The following SASH1 variants were observed in gnomAD, a reference collection of about 807,000 sequenced individuals.
The protein encoded by SASH1 is SAM and SH3 domain containing 1, also known as SAM and SH3 domain-containing protein 1.
Under a neutral mutation model 125.2 loss-of-function variants are expected in SASH1, and 44 were observed. That is an observed-to-expected ratio of 0.35 (90% CI 0.28 to 0.45). SASH1 has a LOEUF of 0.45. Ranked by LOEUF, SASH1 falls within the 20% of genes least tolerant of loss-of-function variation. SASH1 has a pLI of 1.00. For synonymous variants in SASH1, 639 were observed against 649.1 expected, an observed-to-expected ratio of 0.98 and a Z score of 0.24; for missense variants, 1,426 against 1,614.5, an observed-to-expected ratio of 0.88 and a Z score of 2.00.
chr6:148,311,146 G>A (rs571235854), intron 1 of SASH1, among the ~76,000 whole-genome samples: 140 of 147,224 alleles, frequency 9.5e-4, no homozygotes, highest in African/African-American at 3.4e-3. Context: ...TCACTCTGTC[G>A]CCCGGGCTGG....
intron 1 of SASH1, among the ~76,000 whole-genome samples, chr6:148,281,998 T>C (rs536161510): frequency 6.6e-6 from 1 of 152,070 alleles, no homozygotes; most frequent in African/African-American, 2.4e-5. Context: ...GTGACTATAG[T>C]ACACAATCAT....
chr6:148,512,088 G>A lies in SASH1; in HGVS notation c.730-2236G>A, dbSNP rs6916830. ...GGCTGGAGTGCAGTGGCACGATCCC[G>A]GCTCCCTGCAAGCTCCGCCTCCTGG... On this transcript the variant is annotated intron_variant, in intron 8 of 19. Coordinates refer to ENST00000367467, the MANE Select transcript of SASH1 (RefSeq NM_015278.5). Among the ~76,000 whole-genome samples the A allele has an allele frequency of 9.4e-4, 142 of 151,834 alleles. 1 individual carries two copies. Among genetic ancestry groups the A allele is most frequent in the Non-Finnish European group, 1.5e-3 (101 of 67,946 alleles).
At chr6:148,325,781 T>C (rs1365373804) in intron 1 of SASH1, among the ~76,000 whole-genome samples, 2 of 151,906 alleles carry the variant, frequency 1.3e-5, no homozygotes, top group African/African-American at 2.4e-5. Context: ...CCCTGAAAAA[T>C]GTACTTTTTA....
intron 19 of SASH1, among the ~76,000 whole-genome samples, chr6:148,546,813 A>G (rs1386495616): frequency 6.6e-6 from 1 of 152,178 alleles, no homozygotes; most frequent in Non-Finnish European, 1.5e-5. Context: ...TGCGTAATGT[A>G]TGCGTAAATG....
At chr6:148,377,199 AAAAAAACAAAAC>A (rs1782946723) in intron 1 of SASH1, among the ~76,000 whole-genome samples, 3 of 149,114 alleles carry the variant, frequency 2.0e-5, no homozygotes, top group Non-Finnish European at 4.4e-5. Context: ...AAAAAACAAA[AAAAAAACAAAAC>A]AAACAAACAA....
chr6:148,238,536 T>G, the SASH1 span, among the ~76,000 whole-genome samples: 3 of 152,056 alleles, frequency 2.0e-5, no homozygotes, highest in Non-Finnish European at 4.4e-5. Context: ...TTATTTTCTT[T>G]TAATATACCA....
rs1737050842 is a variant in SASH1 at position 148,544,341 on chromosome 6, T to G, written c.2871T>G (p.Phe957Leu). The G allele has an allele frequency of 5.6e-6, 9 of 1,614,122 alleles. No individual in the cohort carries two copies. The highest frequency in any genetic ancestry group is 5.9e-6 in the Non-Finnish European group (7 of 1,180,028). The change falls in exon 18 of 20, where the codon TTT (phenylalanine) becomes TTG (leucine). Residue 957 changes from phenylalanine (F) to leucine (L), a missense_variant. This residue lies in a region of SASH1 where 634 missense variants were observed against 694.4 expected (regional missense o/e 0.91). Transcript: ENST00000367467. The surrounding 1 kb of genome is among the most constrained non-coding windows in gnomAD (Gnocchi z 6.4). ...AGGGCCACAGAAAAGGACACGAGTT[T>G]GAAGGAACACACCATCCCCTGGGCA... ...PLEGHRKGHEFEGTHHPLGTK... is the reference protein window; with the variant it reads ...PLEGHRKGHELEGTHHPLGTK...
the SASH1 span, among the ~76,000 whole-genome samples, chr6:148,229,801 C>T: frequency 6.7e-6 from 1 of 149,864 alleles, no homozygotes; most frequent in African/African-American, 2.5e-5. Context: ...GGCTTACTGC[C>T]TCCAGGTTCA....
intron 1 of SASH1, among the ~76,000 whole-genome samples, chr6:148,274,276 A>G (rs1286298502): frequency 2.0e-5 from 3 of 152,168 alleles, no homozygotes; most frequent in African/African-American, 7.2e-5. Context: ...AAAATCTTCC[A>G]ACAGAACAAA....
At chr6:148,463,391 C>T (rs1218078575) in intron 4 of SASH1, among the ~76,000 whole-genome samples, 2 of 152,098 alleles carry the variant, frequency 1.3e-5, no homozygotes, top group East Asian at 1.9e-4. Flanking sequence ...GTGATCCACC[C>T]GTCTCGGCCT....
chr6:148,431,616 G>C (rs1029685587), intron 2 of SASH1, among the ~76,000 whole-genome samples: 2 of 151,852 alleles, frequency 1.3e-5, no homozygotes, highest in African/African-American at 4.8e-5. Flanking sequence ...TTGACTTTCA[G>C]GTTGCCCTGG....
upstream of SASH1, chr6:148,272,263 C>T: frequency 2.3e-6 from 1 of 443,632 alleles, no homozygotes; most frequent in Non-Finnish European, 4.8e-6. Context: ...AACAGATTCC[C>T]ATTTAGAGCC....
chr6:148,196,772 C>T, the SASH1 span, among the ~76,000 whole-genome samples: 12 of 152,142 alleles, frequency 7.9e-5, no homozygotes, highest in Admixed American at 7.9e-4. Flanking sequence ...TGGCAGACGG[C>T]ATGGTTCAGA....
rs71004300 is a variant in SASH1 at position 148,477,692 on chromosome 6, A to ATT, written c.627+3492_627+3493dup. 6.2e-3 allele frequency among the ~76,000 whole-genome samples: 593 copies of ATT among 95,754 alleles called. 1 individual carries two copies. Among genetic ancestry groups the ATT allele is most frequent in the Non-Finnish European group, 8.2e-3 (432 of 52,426 alleles). The allele number at this position is 95,754 out of a possible 152,430, so 62.8% of individuals were successfully genotyped here. On this transcript the variant is annotated intron_variant, in intron 7 of 19. Transcript: ENST00000367467. ...AGGTGCCTGCCACCACACCTGGCTA[A>ATT]TTTTTTTTTTTTTTTTTTTTTTTGA... is the stretch of plus-strand genomic sequence containing the variant.
chr6:148,519,998 G>A lies in SASH1; in HGVS notation c.1209+105G>A, dbSNP rs1583292989. 4 of 728,712 alleles carry A rather than the reference G, an allele frequency of 5.5e-6. No individual in the cohort carries two copies. Among genetic ancestry groups the A allele is most frequent in the Non-Finnish European group, 8.8e-6 (4 of 453,262 alleles). The allele number at this position is 728,712 out of a possible 1,614,324, so 45.1% of individuals were successfully genotyped here. On this transcript the variant is annotated intron_variant, in intron 10 of 19. Transcript: ENST00000367467. This position sits in a 1 kb window ranked among gnomAD's most constrained non-coding sequence, Gnocchi z 4.8. Reference sequence around the variant, plus strand: ...GTGTCCGGAAGCAAATCCGCTTGAAGAAAACGGATACTAATTATTCCTGTT... The same window carrying A: ...GTGTCCGGAAGCAAATCCGCTTGAAAAAAACGGATACTAATTATTCCTGTT...
At chr6:148,232,005 G>A in the SASH1 span, among the ~76,000 whole-genome samples, 12 of 151,808 alleles carry the variant, frequency 7.9e-5, no homozygotes, top group Non-Finnish European at 7.4e-5. Context: ...AAAAAGGCTA[G>A]CAACTTGTCT....
intron 1 of SASH1, among the ~76,000 whole-genome samples, chr6:148,325,261 T>TTG (rs147161125): frequency 1.3e-3 from 193 of 149,988 alleles, no homozygotes; most frequent in East Asian, 6.6e-3. Context: ...AAAAGCCTCT[T>TTG]TTGTTGTTGT....
At position 148,323,262 on chromosome 6, in the gene SASH1, G is replaced by A. The variant is rs186209867; in HGVS notation, n.74+50885G>A. Among the ~76,000 whole-genome samples the A allele has an allele frequency of 3.9e-5, 6 of 152,116 alleles. No homozygotes were observed. The East Asian group carries it at 1.2e-3, about 29-fold the overall frequency. ...TGACCTCAAGTGATCTGCCCGCCTC[G>A]GCCTCCCAAAGTGCTGAGATTACAG... On this transcript the variant is annotated intron_variant and non_coding_transcript_variant, in intron 1 of 3. Coordinates refer to the SASH1 transcript ENST00000367469.
In SASH1 at chr6:148,421,146, G is replaced by GAAGAAAGAAAGAAAGAAAGAAAGA. The variant is rs751049278; in HGVS notation, c.286-18991_286-18968dup. ...GGAAGAAAGGAAGGAAGGAAGGAAG[G>GAAGAAAGAAAGAAAGAAAGAAAGA]AAGAAAGAAAGAAAGAAAGAAAGAA... On this transcript the variant is annotated intron_variant, in intron 2 of 19. Coordinates refer to ENST00000367467, the MANE Select transcript of SASH1 (RefSeq NM_015278.5). Among the ~76,000 whole-genome samples the GAAGAAAGAAAGAAAGAAAGAAAGA allele has an allele frequency of 3.8e-4, 27 of 71,238 alleles. 1 individual carries two copies. The highest frequency in any genetic ancestry group is 8.6e-4 in the East Asian group (2 of 2,334). 46.7% of individuals were successfully genotyped at this position (71,238 alleles called of 152,430 possible). A position where few individuals can be genotyped will look rare whatever the true frequency, so the allele number is the denominator to read the frequency against.
Sources: gnomAD v4.1 joint callset for allele counts (sites outside exome capture counted in the v4.1 genomes callset) on GRCh38, gnomAD v4.1.1 for gene constraint, gnomAD v4.1.1 regional missense constraint, Gnocchi (gnomAD v3.1) non-coding constraint, MANE v1.5 for transcripts, NCBI Gene and HGNC (gene_info 2026-07-23, HGNC 2026-07-21) for gene names.